SYNPO: variants seen among roughly 807,000 people sequenced by gnomAD.
SYNPO encodes synaptopodin.
In SYNPO, 19 loss-of-function variants were observed where a neutral mutation model predicts 49.5. The observed-to-expected ratio is 0.38, with a 90% CI of 0.27 to 0.56. The LOEUF (loss-of-function observed/expected upper bound fraction) is 0.56, where lower values mean the gene tolerates loss of function less well. Ranked by LOEUF, SYNPO falls within the 20% of genes least tolerant of loss-of-function variation. The probability of loss-of-function intolerance (pLI) is 0.68; values close to 1 mark genes in which losing one functional copy is unlikely to be tolerated. For missense variants in SYNPO, 1,131 were observed against 1,248.3 expected (o/e 0.91, Z 1.42); for synonymous variants, 536 against 548.0 (o/e 0.98, Z 0.31).
chr5:150,620,737 G>A (rs1386643970), intron 2 of SYNPO, among the ~76,000 whole-genome samples: 1 of 152,140 alleles, frequency 6.6e-6, no homozygotes, highest in Non-Finnish European at 1.5e-5. Context: ...TCTCAAGGCA[G>A]GCAGGTATTA....
intron 2 of SYNPO, chr5:150,653,249 C>A (rs1176920346): frequency 2.0e-5 from 3 of 152,254 alleles, no homozygotes; most frequent in African/African-American, 4.8e-5. Context: ...AGTGCCCAGG[C>A]ATGGCTGTTA....
chr5:150,619,361 T>C (rs1232495930), intron 2 of SYNPO, among the ~76,000 whole-genome samples: 1 of 152,140 alleles, frequency 6.6e-6, no homozygotes, highest in East Asian at 1.9e-4. Flanking sequence ...TAGGCCCACG[T>C]TCCTCGCCTA....
rs58828199 is a variant in SYNPO, at chr5:150,657,432, TCACACACACA to T, written c.*381_*390del. On this transcript the variant is annotated 3_prime_UTR_variant, in exon 3 of 3. Transcript: ENST00000307662. ...CTCTCTCTTTCTCTCTCTCTCTCTC[TCACACACACA>T]CACACACACACACACACACACACAC... The T allele has an allele frequency of 0.014, 1,896 of 139,686 alleles. 30 individuals carry two copies. The highest frequency in any genetic ancestry group is 0.038 in the African/African-American group (1,333 of 35,196). The allele number at this position is 139,686 out of a possible 1,614,324, so 8.7% of individuals were successfully genotyped here. A position where few individuals can be genotyped will look rare whatever the true frequency, so the allele number is the denominator to read the frequency against.
At chr5:150,599,694 C>A (rs1466357453), upstream of SYNPO, among the ~76,000 whole-genome samples, 1 of 152,100 alleles carries the variant, frequency 6.6e-6, no homozygotes, top group Non-Finnish European at 1.5e-5. Flanking sequence ...GTACTGTGAG[C>A]CTGGGGGTCG....
At position 150,657,184 on chromosome 5, in the gene SYNPO, G is replaced by C; in HGVS notation, c.*97G>C. On this transcript the variant is annotated 3_prime_UTR_variant, in exon 3 of 3. Transcript: ENST00000307662. ...GGTCTGGCCTCTTTGGGCAGCCCCA[G>C]AGATGAGGGGTCAGCAGAGGAGAGC... The C allele has an allele frequency of 8.4e-6, 11 of 1,315,674 alleles. No individual in the cohort carries two copies. The East Asian group carries it at 2.3e-4, about 27-fold the overall frequency. The allele number at this position is 1,315,674 out of a possible 1,614,324, so 81.5% of individuals were successfully genotyped here.
At chr5:150,639,966 C>T (rs1757842191), upstream of SYNPO, 2 of 220,510 alleles carry the variant, frequency 9.1e-6, no homozygotes, top group African/African-American at 4.7e-5. Context: ...ATTAGGCCAA[C>T]CTGGGCTTGA....
At chr5:150,598,430 C>T (rs532739119), upstream of SYNPO, among the ~76,000 whole-genome samples, 8 of 152,316 alleles carry the variant, frequency 5.3e-5, no homozygotes, top group East Asian at 1.5e-3. Context: ...TAAATACCCG[C>T]ACTGCCACGG....
Position 150,606,527 on chromosome 5 carries a change from G to A in SYNPO, c.-266+5339G>A, listed in dbSNP as rs140442645. On this transcript the variant is annotated intron_variant, in intron 1 of 2. Coordinates refer to the SYNPO transcript ENST00000394243. ...AGGCAGGCTGCCTGTGTGCAGAGCC[G>A]GCTGCCGAACCATGCTGCCACACTG... is the stretch of plus-strand genomic sequence containing the variant. 2.4e-3 allele frequency among the ~76,000 whole-genome samples: 364 copies of A among 152,350 alleles called. 2 individuals carry two copies. Among genetic ancestry groups the A allele is most frequent in the Middle Eastern group, 3.4e-3 (1 of 294 alleles).
chr5:150,598,639 T>C (rs1243859247), upstream of SYNPO, among the ~76,000 whole-genome samples: 10 of 152,214 alleles, frequency 6.6e-5, no homozygotes, highest in African/African-American at 2.4e-4. Context: ...TCCAGATAAG[T>C]ATCCCAGTAC....
the SYNPO span, among the ~76,000 whole-genome samples, chr5:150,594,535 T>G: frequency 1.3e-5 from 2 of 152,202 alleles, no homozygotes; most frequent in African/African-American, 4.8e-5. Context: ...GCCATCTCAC[T>G]GTGTGGCCTT....
At chr5:150,645,468 T>C (rs1027098465) in intron 1 of SYNPO, among the ~76,000 whole-genome samples, 1 of 152,220 alleles carries the variant, frequency 6.6e-6, no homozygotes, top group African/African-American at 2.4e-5. Flanking sequence ...TATTCAACAA[T>C]TATAAATTGA....
chr5:150,633,136 C>T (rs988840947), intron 2 of SYNPO, among the ~76,000 whole-genome samples: 20 of 152,168 alleles, frequency 1.3e-4, no homozygotes, highest in Admixed American at 1.0e-3. Flanking sequence ...GGTGTGGGTG[C>T]ATGGGTGGGG....
In SYNPO at chr5:150,654,995, G is replaced by A. The variant is rs184641413; in HGVS notation, c.2029-1409G>A. Among the ~76,000 whole-genome samples the A allele has an allele frequency of 2.0e-3, 298 of 152,234 alleles. 6 individuals carry two copies. The South Asian group carries it at 0.03, about 15-fold the overall frequency. On this transcript the variant is annotated intron_variant, in intron 2 of 2. Transcript: ENST00000307662. ...ACAAAATTAGCCAGGTGTAGTGGCA[G>A]GCACCTGTAATCCCAGCTACTCGGG...
chr5:150,627,655 C>T (rs533009578), intron 2 of SYNPO, among the ~76,000 whole-genome samples: 45 of 152,158 alleles, frequency 3.0e-4, no homozygotes, highest in African/African-American at 6.5e-4. Context: ...AGGGGGCTAC[C>T]GGGGGTTGGT....
chr5:150,610,566 A>T (rs1316357799), intron 1 of SYNPO, among the ~76,000 whole-genome samples: 1 of 152,232 alleles, frequency 6.6e-6, no homozygotes, highest in African/African-American at 2.4e-5. Context: ...GCACATGCTC[A>T]ATATTCAATA....
At chr5:150,642,592 C>T (rs1757949084) in intron 1 of SYNPO, among the ~76,000 whole-genome samples, 2 of 152,084 alleles carry the variant, frequency 1.3e-5, no homozygotes, top group Non-Finnish European at 2.9e-5. Context: ...GGGCAGCTCC[C>T]TAGTCTGAGG....
At chr5:150,644,011 C>T (rs1447407215) in intron 1 of SYNPO, among the ~76,000 whole-genome samples, 5 of 151,668 alleles carry the variant, frequency 3.3e-5, no homozygotes, top group Non-Finnish European at 7.4e-5. Context: ...CCTGTCTCTA[C>T]AAAAAATACA....
intron 1 of SYNPO, among the ~76,000 whole-genome samples, chr5:150,609,766 A>T (rs1418874651): frequency 1.8e-5 from 1 of 54,404 alleles, no homozygotes; most frequent in South Asian, 5.8e-4. Flanking sequence ...GGACAGGGTG[A>T]GGGGGCACTG....
In SYNPO at chr5:150,609,953, C is replaced by T. The variant is rs552951260; in HGVS notation, c.-265-8150C>T. ...GTGCAGAGTGGCCTCTGCCCTGCCACACCCCTGCCTGACCTCAGCCAGTCT... is the reference window on the plus strand; with the variant it reads ...GTGCAGAGTGGCCTCTGCCCTGCCATACCCCTGCCTGACCTCAGCCAGTCT... On this transcript the variant is annotated intron_variant, in intron 1 of 2. Transcript: ENST00000394243. Among the ~76,000 whole-genome samples, 4 of 152,370 alleles carry T rather than the reference C, an allele frequency of 2.6e-5. No homozygotes were observed. In the South Asian group the frequency reaches 6.2e-4, roughly 24 times the overall value.
Sources: allele counts gnomAD v4.1 joint callset (sites outside exome capture counted in the v4.1 genomes callset), GRCh38; gene constraint gnomAD v4.1.1; transcripts MANE v1.5; gene names NCBI Gene and HGNC (gene_info 2026-07-23, HGNC 2026-07-21).